SNCAIP: variants seen among roughly 807,000 people sequenced by gnomAD.
The protein encoded by SNCAIP is synuclein alpha interacting protein.
In SNCAIP, 43 loss-of-function variants were observed where a neutral mutation model predicts 86.7. The observed-to-expected ratio is 0.50, with a 90% CI of 0.39 to 0.64. The LOEUF is 0.64. Ranked by LOEUF, SNCAIP falls within the 30% of genes least tolerant of loss-of-function variation. SNCAIP has a pLI of 0.00. For missense variants in SNCAIP, 981 were observed against 1,103.1 expected, an observed-to-expected ratio of 0.89 and a Z score of 1.57; for synonymous variants, 417 against 427.2, an observed-to-expected ratio of 0.98 and a Z score of 0.29.
chr5:122,377,136 T>G (rs1458554552), intron 1 of SNCAIP, among the ~76,000 whole-genome samples: 1 of 152,168 alleles, frequency 6.6e-6, no homozygotes, highest in Non-Finnish European at 1.5e-5. Context: ...TTGCGAGATC[T>G]TTAGATTCTT....
intron 1 of SNCAIP, among the ~76,000 whole-genome samples, chr5:122,345,617 C>T (rs890305431): frequency 1.3e-5 from 2 of 152,122 alleles, no homozygotes; most frequent in Non-Finnish European, 2.9e-5. Context: ...TCCCATCCTC[C>T]GTTTATGGTA....
chr5:122,404,859 A>G (rs1256540454), intron 3 of SNCAIP, among the ~76,000 whole-genome samples: 1 of 152,200 alleles, frequency 6.6e-6, no homozygotes, highest in Non-Finnish European at 1.5e-5. Context: ...AGGAAAAATA[A>G]TTAGTCTTTC....
chr5:122,406,971 T>C (rs1004744650), intron 3 of SNCAIP, among the ~76,000 whole-genome samples: 1 of 152,220 alleles, frequency 6.6e-6, no homozygotes, highest in Non-Finnish European at 1.5e-5. Context: ...CTTGTACATA[T>C]TATATCTTTG....
At chr5:122,334,812 T>C (rs1245493375) in intron 1 of SNCAIP, among the ~76,000 whole-genome samples, 8 of 152,248 alleles carry the variant, frequency 5.3e-5, no homozygotes, top group Non-Finnish European at 1.2e-4. Context: ...GTCACCATTA[T>C]ACATATAAAT....
chr5:122,434,386 T>C (rs1778980093), intron 6 of SNCAIP, among the ~76,000 whole-genome samples: 1 of 152,162 alleles, frequency 6.6e-6, no homozygotes, highest in Non-Finnish European at 1.5e-5. Flanking sequence ...CCAGTTTCTT[T>C]ATTCAGCTCT....
intron 1 of SNCAIP, among the ~76,000 whole-genome samples, chr5:122,336,051 C>T (rs1756374224): frequency 6.6e-6 from 1 of 152,108 alleles, no homozygotes; most frequent in Non-Finnish European, 1.5e-5. Context: ...ATTATTAAGA[C>T]TTAACTTATA....
intron 1 of SNCAIP, among the ~76,000 whole-genome samples, chr5:122,380,182 G>T (rs558106650): frequency 5.3e-4 from 81 of 152,146 alleles, no homozygotes; most frequent in African/African-American, 1.9e-3. Flanking sequence ...TACTCTTTTT[G>T]GTTGGTAAAC....
intron 2 of SNCAIP, among the ~76,000 whole-genome samples, chr5:122,397,882 C>A (rs960078274): frequency 2.0e-5 from 3 of 151,988 alleles, no homozygotes; most frequent in Non-Finnish European, 4.4e-5. Flanking sequence ...ACTAAGGGAA[C>A]TAAAAAGACA....
intron 1 of SNCAIP, among the ~76,000 whole-genome samples, chr5:122,370,807 G>A (rs1052246833): frequency 6.6e-6 from 1 of 151,900 alleles, no homozygotes; most frequent in Admixed American, 6.6e-5. Context: ...GCTTTTTTTG[G>A]TTTTGCAAAA....
upstream of SNCAIP, chr5:122,312,010 C>T (rs1356539511): frequency 1.4e-5 from 2 of 147,276 alleles, no homozygotes; most frequent in African/African-American, 2.4e-5. Flanking sequence ...TGGCCGCGCC[C>T]CCGTCCCCGG....
chr5:122,364,438 G>A (rs1260615685), intron 1 of SNCAIP, among the ~76,000 whole-genome samples: 1 of 152,138 alleles, frequency 6.6e-6, no homozygotes, highest in Non-Finnish European at 1.5e-5. Flanking sequence ...CCCATTAACA[G>A]GATTGCAGGT....
intron 5 of SNCAIP, among the ~76,000 whole-genome samples, chr5:122,425,976 G>C (rs532862854): frequency 1.3e-5 from 2 of 152,198 alleles, no homozygotes; most frequent in Non-Finnish European, 2.9e-5. Flanking sequence ...AGTGTCTTCA[G>C]TATCAAGAAT....
At chr5:122,319,383 T>C (rs1458908699) in intron 1 of SNCAIP, among the ~76,000 whole-genome samples, 2 of 152,204 alleles carry the variant, frequency 1.3e-5, no homozygotes, top group Non-Finnish European at 2.9e-5. Context: ...GGAAGGAAGT[T>C]GTACTGCTGC....
intron 1 of SNCAIP, among the ~76,000 whole-genome samples, chr5:122,382,808 G>A (rs1165068759): frequency 6.6e-6 from 1 of 152,232 alleles, no homozygotes; most frequent in Non-Finnish European, 1.5e-5. Flanking sequence ...TGCCGTGTGA[G>A]GTGTCAGTGT....
chr5:122,335,916 A>G (rs564057796), intron 1 of SNCAIP, among the ~76,000 whole-genome samples: 3 of 152,364 alleles, frequency 2.0e-5, no homozygotes, highest in East Asian at 1.9e-4. Flanking sequence ...GAGCTGGGCG[A>G]ATATGTCCTT....
At chr5:122,357,305 G>A (rs189685089) in intron 1 of SNCAIP, among the ~76,000 whole-genome samples, 3 of 151,882 alleles carry the variant, frequency 2.0e-5, no homozygotes, top group South Asian at 2.1e-4. Flanking sequence ...GCGTGATCTC[G>A]GCTCACTACA....
rs1468950934 is a variant in SNCAIP at position 122,401,042 on chromosome 5, G to A, written c.58-2751G>A. On this transcript the variant is annotated intron_variant, in intron 2 of 10. Coordinates refer to ENST00000261368, the MANE Select transcript of SNCAIP (RefSeq NM_005460.4). ...AGCTTGGATTGGAGGACACAGACAG[G>A]GAAGATGCAATGGGCTTTGGTTCCC... 2.6e-6 allele frequency: 4 copies of A among 1,550,138 alleles called. No homozygotes were observed. In the African/African-American group the frequency reaches 4.1e-5, roughly 16 times the overall value.
chr5:122,365,721 G>A (rs1763045931), intron 1 of SNCAIP, among the ~76,000 whole-genome samples: 1 of 152,094 alleles, frequency 6.6e-6, no homozygotes, highest in African/African-American at 2.4e-5. Flanking sequence ...TGGTCTCATG[G>A]TTTTATTCAT....
chr5:122,316,657 G>T (rs1030403064), intron 1 of SNCAIP, among the ~76,000 whole-genome samples: 1 of 152,230 alleles, frequency 6.6e-6, no homozygotes, highest in East Asian at 1.9e-4. Flanking sequence ...AAGAAAAGAC[G>T]GTCTGGCACA....
Sources: gnomAD v4.1 joint callset for allele counts (sites outside exome capture counted in the v4.1 genomes callset) on GRCh38, gnomAD v4.1.1 for gene constraint, MANE v1.5 for transcripts, NCBI Gene and HGNC (gene_info 2026-07-23, HGNC 2026-07-21) for gene names.